Variants in PXDC1 observed in about 807,000 individuals in gnomAD.
PXDC1 encodes PX domain containing 1.
Under a neutral mutation model 24.4 loss-of-function variants are expected in PXDC1, and 13 were observed. That is an observed-to-expected ratio of 0.53 (90% CI 0.35 to 0.85). The LOEUF (loss-of-function observed/expected upper bound fraction) is 0.85. PXDC1 is among the 40% of genes least tolerant of loss of function. PXDC1 has a pLI of 0.01. For synonymous variants in PXDC1, 162 were observed against 124.9 expected (o/e 1.30, Z -1.98); for missense variants, 344 against 309.3 (o/e 1.11, Z -0.84).
At chr6:3,741,733 G>A (rs951508103) in intron 1 of PXDC1, among the ~76,000 whole-genome samples, 4 of 152,202 alleles carry the variant, frequency 2.6e-5, no homozygotes, top group African/African-American at 9.6e-5. Flanking sequence ...CGCAGCGCGG[G>A]GCTGCCTTGA....
In PXDC1 at chr6:3,737,169, A is replaced by C. The variant is rs1760337513; in HGVS notation, c.376T>G (p.Phe126Val). ...KYSRSEVVLT[F>V]FERSPLDQVL... The stretch of plus-strand genomic sequence containing the variant: ...TGATCCAGAGGAGATCTTTCGAAGA[A>C]GGTGAGCACAACTTCCGATCTAGAA... Residue 126 changes from phenylalanine to valine, a missense_variant, in exon 3 of 5, where the codon TTC (phenylalanine) becomes GTC (valine). Physicochemically the swap from Phe to Val is conservative, Grantham distance 50 (BLOSUM62 -1). Transcript: ENST00000380283. The surrounding 1 kb of genome is among the most constrained non-coding windows in gnomAD (Gnocchi z 5.5). 2 of 1,612,592 alleles carry C rather than the reference A, an allele frequency of 1.2e-6. No homozygotes were observed. Among genetic ancestry groups the C allele is most frequent in the Non-Finnish European group, 1.7e-6 (2 of 1,178,536 alleles).
At chr6:3,739,311 A>G (rs1260514797) in intron 1 of PXDC1, 2 of 227,382 alleles carry the variant, frequency 8.8e-6, no homozygotes, top group Non-Finnish European at 8.0e-6. Flanking sequence ...GGGCATCCCC[A>G]TAACGGGGGT....
rs1163144188 is a variant in PXDC1 at position 3,723,517 on chromosome 6, T to G, written c.*102A>C. On this transcript the variant is annotated 3_prime_UTR_variant, in exon 5 of 5. Transcript: ENST00000380283. ...CAGTGGGGCCTGGGACGTCTGGGAG[T>G]TCCAGAGCTGGGGCAGCAGCTGTGA... 2.2e-6 allele frequency: 2 copies of G among 909,570 alleles called. No homozygotes were observed. Among genetic ancestry groups the G allele is most frequent in the Non-Finnish European group, 3.6e-6 (2 of 560,430 alleles). 56.3% of individuals were successfully genotyped at this position (909,570 alleles called of 1,614,324 possible).
chr6:3,738,113 T>C lies in PXDC1; in HGVS notation c.292A>G (p.Thr98Ala). The change falls in exon 2 of 5, where the codon ACC becomes GCC. Residue 98 changes from threonine to alanine, a missense_variant. Transcript: ENST00000380283. ...VAIKEAHDIE[T>A]RLNEVEKLLK... ...AGCTTCTCCACCTCATTAAGCCTGG[T>C]CTCTATGTCGTGGGCTTCCTTTATG... 1 of 1,614,090 alleles carries C rather than the reference T, an allele frequency of 6.2e-7. No homozygotes were observed. Among genetic ancestry groups the C allele is most frequent in the African/African-American group, 1.3e-5 (1 of 75,020 alleles).
At chr6:3,735,878 A>G (rs568608008) in intron 3 of PXDC1, among the ~76,000 whole-genome samples, 3 of 152,354 alleles carry the variant, frequency 2.0e-5, no homozygotes, top group Middle Eastern at 6.8e-3. Context: ...ATAAATATGT[A>G]CAATAATTAT....
chr6:3,751,358 C>G lies in PXDC1; in HGVS notation c.174G>C (p.Ala58=). ...RSVLYLHRSL[A]DLGRLWQRLR... Reference sequence around the variant, plus strand: ...GGCGCTGCCACAGGCGGCCCAGGTCCGCCAGGCTGCGGTGCAGGTAGAGCA... The same window carrying G: ...GGCGCTGCCACAGGCGGCCCAGGTCGGCCAGGCTGCGGTGCAGGTAGAGCA... The change falls in exon 1 of 5, where the codon GCG becomes GCC. Residue 58 remains alanine (A), a synonymous_variant. Coordinates refer to ENST00000380283, the MANE Select transcript of PXDC1 (RefSeq NM_183373.4). The G allele has an allele frequency of 6.4e-7, 1 of 1,558,464 alleles. No homozygotes were observed. Among genetic ancestry groups the G allele is most frequent in the Non-Finnish European group, 8.7e-7 (1 of 1,153,978 alleles).
At chr6:3,741,366 G>A (rs1349772689) in intron 1 of PXDC1, among the ~76,000 whole-genome samples, 1 of 152,206 alleles carries the variant, frequency 6.6e-6, no homozygotes, top group Non-Finnish European at 1.5e-5. Context: ...ATTTAGATGG[G>A]GAAAGTGAAG....
At chr6:3,741,433 G>C (rs548082437) in intron 1 of PXDC1, among the ~76,000 whole-genome samples, 1 of 152,280 alleles carries the variant, frequency 6.6e-6, no homozygotes, top group Admixed American at 6.5e-5. Context: ...TTAAGCTCTA[G>C]GATTTTAGTT....
At chr6:3,730,840 T>C (rs1412061571) in intron 3 of PXDC1, among the ~76,000 whole-genome samples, 2 of 152,248 alleles carry the variant, frequency 1.3e-5, no homozygotes, top group East Asian at 1.9e-4. Flanking sequence ...CAGTGTGGAA[T>C]GCTGGCTCCT....
chr6:3,748,877 T>C (rs1237286976), intron 1 of PXDC1, among the ~76,000 whole-genome samples: 2 of 152,246 alleles, frequency 1.3e-5, no homozygotes, highest in Non-Finnish European at 2.9e-5. Context: ...AAAGCCGGCA[T>C]TGCAGCACAG....
At chr6:3,742,119 G>C (rs1003892465) in intron 1 of PXDC1, among the ~76,000 whole-genome samples, 3 of 152,204 alleles carry the variant, frequency 2.0e-5, no homozygotes, top group African/African-American at 7.2e-5. Context: ...CCACGCTGAA[G>C]ACACTGCTTT....
Position 3,727,672 on chromosome 6 carries a change from A to G in PXDC1, c.467-10T>C. On this transcript the variant is annotated splice_polypyrimidine_tract_variant and intron_variant, in intron 3 of 4. Transcript: ENST00000380283. Reference sequence around the variant, plus strand: ...TTGGACCTCATGATTTCTGAAAACCAAAGCAACAAGGTGAGTCCTCAGGAG... The same window carrying G: ...TTGGACCTCATGATTTCTGAAAACCGAAGCAACAAGGTGAGTCCTCAGGAG... The G allele has an allele frequency of 6.3e-7, 1 of 1,594,920 alleles. No homozygotes were observed. The highest frequency in any genetic ancestry group is 8.6e-7 in the Non-Finnish European group (1 of 1,162,488).
At chr6:3,750,803 G>A (rs1179227663) in intron 1 of PXDC1, among the ~76,000 whole-genome samples, 1 of 152,132 alleles carries the variant, frequency 6.6e-6, no homozygotes, top group Non-Finnish European at 1.5e-5. Context: ...GCCCTCCGCG[G>A]GGAGAACTCG....
rs538802842 is a variant in PXDC1, at chr6:3,733,950, T to C, written c.466+3129A>G. On this transcript the variant is annotated intron_variant, in intron 3 of 4. Coordinates refer to ENST00000380283, the MANE Select transcript of PXDC1 (RefSeq NM_183373.4). ...TGCCCACCAGACACTCTTCTCTGGA[T>C]GTAATAATTCATCTTGCTGCATCCC... is the stretch of plus-strand genomic sequence containing the variant. Among the ~76,000 whole-genome samples, 86 of 152,286 alleles carry C rather than the reference T, an allele frequency of 5.6e-4. 2 individuals are homozygous for C. The South Asian group carries it at 0.018, about 32-fold the overall frequency.
In PXDC1 at chr6:3,725,217, T is replaced by TC. The variant is rs1364408737; in HGVS notation, c.579-1482dup. The stretch of plus-strand genomic sequence containing the variant: ...AGCCACAGCGCCACCTCAAACAGTG[T>TC]CCCACCACCTGCCCGTCCTCCCTGC... On this transcript the variant is annotated intron_variant, in intron 4 of 4. Coordinates refer to ENST00000380283, the MANE Select transcript of PXDC1 (RefSeq NM_183373.4). This position sits in a 1 kb window ranked among gnomAD's most constrained non-coding sequence, Gnocchi z 4.8. Among the ~76,000 whole-genome samples, 1 of 151,952 alleles carries TC rather than the reference T, an allele frequency of 6.6e-6. No individual in the cohort carries two copies. The highest frequency in any genetic ancestry group is 1.5e-5 in the Non-Finnish European group (1 of 67,986).
intron 1 of PXDC1, among the ~76,000 whole-genome samples, chr6:3,748,379 A>T (rs1547145): frequency 1.3e-5 from 2 of 151,854 alleles, no homozygotes; most frequent in South Asian, 4.2e-4. Flanking sequence ...AGGAAAGGGG[A>T]GAGAGGACAG....
At chr6:3,731,061 G>C (rs1396839591) in intron 3 of PXDC1, among the ~76,000 whole-genome samples, 1 of 152,218 alleles carries the variant, frequency 6.6e-6, no homozygotes, top group Non-Finnish European at 1.5e-5. Flanking sequence ...AGAGTCCTGA[G>C]TGATCTATCA....
chr6:3,735,702 A>G (rs1377084238), intron 3 of PXDC1, among the ~76,000 whole-genome samples: 2 of 152,208 alleles, frequency 1.3e-5, no homozygotes, highest in Non-Finnish European at 2.9e-5. Context: ...GTAAGGTGAC[A>G]AGGGTTAACA....
intron 1 of PXDC1, among the ~76,000 whole-genome samples, chr6:3,746,998 G>C (rs1316419891): frequency 6.6e-6 from 1 of 152,162 alleles, no homozygotes; most frequent in Non-Finnish European, 1.5e-5. Flanking sequence ...CATGCAGGTA[G>C]ATGAATGTCT....
Sources: gnomAD v4.1 joint callset for allele counts (sites outside exome capture counted in the v4.1 genomes callset) on GRCh38, gnomAD v4.1.1 for gene constraint, Gnocchi (gnomAD v3.1) non-coding constraint, MANE v1.5 for transcripts, NCBI Gene and HGNC (gene_info 2026-07-23, HGNC 2026-07-21) for gene names.